The following PHF24 variants were observed in gnomAD, a reference collection of about 807,000 sequenced individuals.
The protein encoded by PHF24 is Galpha inhibitory interacting protein.
PHF24 carries 25 observed loss-of-function variants against 42.6 expected under a neutral mutation model. The observed-to-expected ratio is 0.59, with a 90% CI of 0.43 to 0.82. PHF24 has a LOEUF of 0.82. PHF24 is among the 40% of genes least tolerant of loss of function. The pLI, the probability that PHF24 is intolerant of heterozygous loss-of-function variation, is 0.00. For missense variants in PHF24, 470 were observed against 538.1 expected, an observed-to-expected ratio of 0.87 and a Z score of 1.25; for synonymous variants, 185 against 204.8, an observed-to-expected ratio of 0.90 and a Z score of 0.83.
the PHF24 span, among the ~76,000 whole-genome samples, chr9:34,852,217 T>C: frequency 6.6e-6 from 1 of 152,256 alleles, no homozygotes; most frequent in African/African-American, 2.4e-5. Flanking sequence ...ATACAAGATA[T>C]AATACATATA....
At chr9:34,737,802 C>T in the PHF24 span, among the ~76,000 whole-genome samples, 48 of 152,226 alleles carry the variant, frequency 3.2e-4, 1 homozygote, top group East Asian at 9.1e-3. Flanking sequence ...ATTTATAGTC[C>T]GACATGCTTT....
the PHF24 span, chr9:34,709,372 G>C: frequency 6.2e-7 from 1 of 1,605,082 alleles, no homozygotes; most frequent in Non-Finnish European, 8.5e-7. Flanking sequence ...GGGGTCTCCA[G>C]GGCTCCAGGC....
At chr9:34,886,750 ATCTATCTGTCTG>A in the PHF24 span, among the ~76,000 whole-genome samples, 6 of 146,580 alleles carry the variant, frequency 4.1e-5, no homozygotes, top group Admixed American at 1.4e-4. Flanking sequence ...CTATCTATCT[ATCTATCTGTCTG>A]TCTGTCTGTC....
chr9:34,825,932 C>T, the PHF24 span, among the ~76,000 whole-genome samples: 16 of 152,274 alleles, frequency 1.1e-4, no homozygotes, highest in South Asian at 3.3e-3. Flanking sequence ...GCCCAGGGAC[C>T]CGCCCCTGTG....
chr9:34,958,219 GCC>G (rs1491145809), upstream of PHF24: 8 of 144,840 alleles, frequency 5.5e-5, no homozygotes, highest in African/African-American at 1.1e-4. This position sits in a 1 kb window ranked among gnomAD's most constrained non-coding sequence, Gnocchi z 4.5. Context: ...GTGTGCTCCG[GCC>G]GCGCGCGCCG....
the PHF24 span, among the ~76,000 whole-genome samples, chr9:34,943,291 A>C: frequency 6.6e-6 from 1 of 152,142 alleles, no homozygotes; most frequent in African/African-American, 2.4e-5. Context: ...GAACAGTTTC[A>C]AGGTTTCTAC....
intron 3 of PHF24, 24 bp from the exon 4 acceptor site, chr9:34,976,128 G>T: frequency 1.3e-6 from 2 of 1,591,290 alleles, no homozygotes; most frequent in South Asian, 2.2e-5. Flanking sequence ...TATGGCCACC[G>T]ACTCAGCTCT....
At chr9:34,763,719 A>C in the PHF24 span, among the ~76,000 whole-genome samples, 24 of 151,888 alleles carry the variant, frequency 1.6e-4, no homozygotes, top group Middle Eastern at 3.4e-3. Flanking sequence ...CCCTGGCCAG[A>C]ACTTCCAACA....
chr9:34,778,597 A>T, the PHF24 span, among the ~76,000 whole-genome samples: 1 of 152,200 alleles, frequency 6.6e-6, no homozygotes, highest in South Asian at 2.1e-4. Flanking sequence ...ATGCGTATTT[A>T]TACAGAGTCC....
the PHF24 span, among the ~76,000 whole-genome samples, chr9:34,771,362 A>C: frequency 5.3e-5 from 8 of 152,230 alleles, no homozygotes; most frequent in African/African-American, 1.7e-4. Context: ...CTTGTAACAA[A>C]ATGGTAAGTA....
the PHF24 span, among the ~76,000 whole-genome samples, chr9:34,839,829 G>A: frequency 2.0e-5 from 3 of 152,182 alleles, no homozygotes; most frequent in Non-Finnish European, 2.9e-5. Flanking sequence ...ATGTATTACT[G>A]AGGTTCAGGT....
At chr9:34,977,303 G>T in intron 6 of PHF24, 60 bp downstream of exon 6, 1 of 1,527,924 alleles carries the variant, frequency 6.5e-7, no homozygotes, top group Non-Finnish European at 8.8e-7. Flanking sequence ...TTCCATGCCA[G>T]TGGCCCTTCC....
the PHF24 span, among the ~76,000 whole-genome samples, chr9:34,880,541 A>G: frequency 2.0e-5 from 3 of 152,292 alleles, no homozygotes; most frequent in African/African-American, 7.2e-5. Context: ...AACAAAAAAA[A>G]GCAGGGGTTG....
At chr9:34,896,616 C>G in the PHF24 span, among the ~76,000 whole-genome samples, 1 of 152,148 alleles carries the variant, frequency 6.6e-6, no homozygotes, top group Non-Finnish European at 1.5e-5. Flanking sequence ...TGGTTGAATC[C>G]ACCGTGGTTG....
At chr9:34,896,787 C>T in the PHF24 span, among the ~76,000 whole-genome samples, 2 of 152,056 alleles carry the variant, frequency 1.3e-5, no homozygotes, top group African/African-American at 4.8e-5. Flanking sequence ...ATGGCATGTC[C>T]CCAACACCCT....
At chr9:34,929,111 C>G in the PHF24 span, among the ~76,000 whole-genome samples, 1 of 152,134 alleles carries the variant, frequency 6.6e-6, no homozygotes, top group South Asian at 2.1e-4. Context: ...TCACCAAGAT[C>G]AAAGGATCTC....
At chr9:34,670,698 G>T in the PHF24 span, among the ~76,000 whole-genome samples, 3 of 152,296 alleles carry the variant, frequency 2.0e-5, no homozygotes, top group East Asian at 3.9e-4. Context: ...TGAGCCATCA[G>T]TCTCAAGGCT....
chr9:34,855,345 G>A, the PHF24 span, among the ~76,000 whole-genome samples: 344 of 152,298 alleles, frequency 2.3e-3, 3 homozygotes, highest in African/African-American at 7.9e-3. Context: ...TTGCAGACTT[G>A]TTTGTGTGGT....
the PHF24 span, among the ~76,000 whole-genome samples, chr9:34,844,966 G>T: frequency 6.6e-6 from 1 of 152,008 alleles, no homozygotes; most frequent in Non-Finnish European, 1.5e-5. Context: ...TTTCCCTTTA[G>T]ACCTATTGAT....
Sources: allele counts gnomAD v4.1 joint callset (sites outside exome capture counted in the v4.1 genomes callset), GRCh38; gene constraint gnomAD v4.1.1; non-coding constraint Gnocchi (gnomAD v3.1); transcripts MANE v1.5; gene names NCBI Gene and HGNC (gene_info 2026-07-23, HGNC 2026-07-21).